TRPM8: variants seen among roughly 807,000 people sequenced by gnomAD.
TRPM8 encodes the protein TRPM8 cationic channel.
In TRPM8, 110 loss-of-function variants were observed where a neutral mutation model predicts 133.7. The ratio of observed to expected loss-of-function variants is 0.82; its 90% CI spans 0.70 to 0.96. The LOEUF is 0.96. Ranked by LOEUF, TRPM8 falls within the 40% of genes least tolerant of loss-of-function variation. The pLI is 0.00. For synonymous variants in TRPM8, 535 were observed against 532.3 expected (o/e 1.01, Z -0.07); for missense variants, 1,291 against 1,379.5 (o/e 0.94, Z 1.02).
chr2:234,013,368 T>C (rs1692886492), intron 24 of TRPM8: 1 of 152,232 alleles, frequency 6.6e-6, no homozygotes, highest in Admixed American at 6.5e-5. Context: ...CTTTGTAAGT[T>C]GTACATTTCT....
At chr2:233,923,310 A>AT (rs2125029317) in intron 1 of TRPM8, among the ~76,000 whole-genome samples, 1 of 152,144 alleles carries the variant, frequency 6.6e-6, no homozygotes, top group Non-Finnish European at 1.5e-5. Context: ...TATTCTGTTG[A>AT]TTTTCTGATG....
intron 11 of TRPM8, among the ~76,000 whole-genome samples, chr2:233,958,854 C>T (rs1691358565): frequency 6.6e-6 from 1 of 152,046 alleles, no homozygotes. Context: ...TCCACCTAGA[C>T]CAGGGATCAG....
chr2:233,928,316 G>A (rs1691610536), intron 2 of TRPM8, among the ~76,000 whole-genome samples: 1 of 152,054 alleles, frequency 6.6e-6, no homozygotes, highest in Admixed American at 6.5e-5. Context: ...CTGCTGGATG[G>A]GTCTCCTCTC....
chr2:233,964,190 A>G (rs1184201380), intron 13 of TRPM8, among the ~76,000 whole-genome samples: 1 of 152,086 alleles, frequency 6.6e-6, no homozygotes, highest in Admixed American at 6.6e-5. Flanking sequence ...TGATTCTACT[A>G]TTTCCTGCTT....
intron 25 of TRPM8, 180 bp downstream of exon 25, chr2:234,014,834 C>G: frequency 2.4e-6 from 1 of 411,640 alleles, no homozygotes; most frequent in Non-Finnish European, 4.3e-6. Flanking sequence ...AGTTCCTCCT[C>G]ACATTACCTT....
intron 1 of TRPM8, among the ~76,000 whole-genome samples, chr2:233,919,883 G>A (rs1227122801): frequency 1.3e-5 from 2 of 152,176 alleles, no homozygotes; most frequent in Admixed American, 1.3e-4. Context: ...ATTGCCGCTT[G>A]AACATCCAAT....
chr2:233,961,557 G>C (rs935190274), intron 12 of TRPM8, among the ~76,000 whole-genome samples: 1 of 150,496 alleles, frequency 6.6e-6, no homozygotes, highest in African/African-American at 2.4e-5. Flanking sequence ...GTCCACCTCG[G>C]CCTCCCAAAG....
intron 5 of TRPM8, among the ~76,000 whole-genome samples, chr2:233,939,813 G>A (rs974090033): frequency 2.6e-5 from 4 of 152,154 alleles, no homozygotes; most frequent in Non-Finnish European, 5.9e-5. Context: ...GGGGGGAACC[G>A]TTGAAAGCAG....
intron 6 of TRPM8, 112 bp from the exon 7 acceptor site, chr2:233,945,744 G>C: frequency 1.1e-6 from 1 of 876,236 alleles, no homozygotes; most frequent in South Asian, 1.7e-5. Context: ...CTGGGAGGAG[G>C]CATAATGTGA....
In TRPM8 at chr2:233,983,034, TCCTGTCCTCCC is replaced by T; in HGVS notation, c.2590-17_2590-7del. The T allele has an allele frequency of 6.2e-7, 1 of 1,606,552 alleles. No homozygotes were observed. Among genetic ancestry groups the T allele is most frequent in the Non-Finnish European group, 8.5e-7 (1 of 1,174,208 alleles). On this transcript the variant is annotated splice_region_variant and splice_polypyrimidine_tract_variant and intron_variant, in intron 19 of 25. Coordinates refer to ENST00000324695, the MANE Select transcript of TRPM8 (RefSeq NM_024080.5). The stretch of plus-strand genomic sequence containing the variant: ...TGTGGGCACGGTCCTGACTCCGCTC[TCCTGTCCTCCC>T]CTGACAGCTGATCGATGTGTTCTTC...
intron 21 of TRPM8, among the ~76,000 whole-genome samples, chr2:233,992,535 T>G (rs1210043044): frequency 6.6e-6 from 1 of 152,228 alleles, no homozygotes; most frequent in Non-Finnish European, 1.5e-5. Context: ...ATTTCCACTC[T>G]CAGTGAGTTT....
In TRPM8 at chr2:233,938,987, T is replaced by A; in HGVS notation, c.349-11T>A. 1 of 1,613,772 alleles carries A rather than the reference T, an allele frequency of 6.2e-7. No individual in the cohort carries two copies. The highest frequency in any genetic ancestry group is 8.5e-7 in the Non-Finnish European group (1 of 1,179,860). ...AGGCCTATCCTGATACTTCTGCTTC[T>A]CTCCCCATAGTATATACGTCTGTCC... On this transcript the variant is annotated splice_polypyrimidine_tract_variant and intron_variant, in intron 4 of 25. Transcript: ENST00000324695.
At chr2:233,937,840 G>A (rs929816760) in intron 4 of TRPM8, among the ~76,000 whole-genome samples, 57 of 152,246 alleles carry the variant, frequency 3.7e-4, no homozygotes, top group African/African-American at 1.1e-3. Flanking sequence ...TTAGCTCTGC[G>A]TACTCCTGAG....
At chr2:233,965,393 C>T (rs895313104) in intron 14 of TRPM8, among the ~76,000 whole-genome samples, 3 of 152,236 alleles carry the variant, frequency 2.0e-5, no homozygotes, top group African/African-American at 7.2e-5. Flanking sequence ...CATTGCTCTC[C>T]TGGCATGTCT....
At chr2:233,926,334 G>A (rs1167037968) in intron 1 of TRPM8, among the ~76,000 whole-genome samples, 199 bp from the exon 2 acceptor site, 1 of 152,152 alleles carries the variant, frequency 6.6e-6, no homozygotes, top group Non-Finnish European at 1.5e-5. Flanking sequence ...GCTGAGGGGT[G>A]GAAATGCCAT....
At chr2:233,921,485 A>T (rs1164096440) in intron 1 of TRPM8, among the ~76,000 whole-genome samples, 1 of 152,150 alleles carries the variant, frequency 6.6e-6, no homozygotes, top group African/African-American at 2.4e-5. Flanking sequence ...CAATTAAAAG[A>T]GTTTATTCAA....
rs1201579248 is a variant in TRPM8 at position 233,964,618 on chromosome 2, C to T, written c.1750-10C>T. Reference sequence around the variant, plus strand: ...GAATTAACCTTAAAATTCTTCACCCCCCTAAAAAGACCAGGGGCTGCACTC... The same window carrying T: ...GAATTAACCTTAAAATTCTTCACCCTCCTAAAAAGACCAGGGGCTGCACTC... On this transcript the variant is annotated splice_polypyrimidine_tract_variant and intron_variant, in intron 13 of 25. Transcript: ENST00000324695. 6 of 1,541,582 alleles carry T rather than the reference C, an allele frequency of 3.9e-6. No individual in the cohort carries two copies. The highest frequency in any genetic ancestry group is 5.2e-6 in the Non-Finnish European group (6 of 1,144,018).
chr2:233,976,361 T>C (rs1291855579), intron 17 of TRPM8, among the ~76,000 whole-genome samples: 2 of 152,192 alleles, frequency 1.3e-5, no homozygotes, highest in Admixed American at 6.5e-5. Flanking sequence ...GTTTGGGTCA[T>C]GCAGGAGGAG....
intron 1 of TRPM8, 78 bp from the exon 2 acceptor site, chr2:233,926,455 C>T (rs770029713): frequency 7.6e-5 from 82 of 1,072,314 alleles, no homozygotes; most frequent in Middle Eastern, 2.0e-4. Context: ...GGAGGGAAAA[C>T]GGCATTGGGG....
Sources: gnomAD v4.1 joint callset for allele counts (sites outside exome capture counted in the v4.1 genomes callset) on GRCh38, gnomAD v4.1.1 for gene constraint, MANE v1.5 for transcripts, NCBI Gene and HGNC (gene_info 2026-07-23, HGNC 2026-07-21) for gene names.